ABCC9: variants seen among roughly 807,000 people sequenced by gnomAD.
ABCC9 encodes ATP-binding cassette sub-family C member 9.
ABCC9 carries 95 observed loss-of-function variants against 188.3 expected under a neutral mutation model. The ratio of observed to expected loss-of-function variants is 0.50; its 90% CI spans 0.43 to 0.60. The LOEUF is 0.60. Among genes scored for constraint, ABCC9 ranks in the 20% least tolerant of loss-of-function variants. ABCC9 has a pLI of 0.00. For missense variants in ABCC9, 1,102 were observed against 1,876.3 expected, an observed-to-expected ratio of 0.59 and a Z score of 7.62; for synonymous variants, 659 against 652.7, an observed-to-expected ratio of 1.01 and a Z score of -0.15.
chr12:21,915,512 A>ATTTTTTTTTT (rs1254915972), intron 7 of ABCC9, among the ~76,000 whole-genome samples, 156 bp downstream of exon 7: 2 of 382 alleles, frequency 5.2e-3, no homozygotes, highest in Non-Finnish European at 7.8e-3. Context: ...ATATATATAT[A>ATTTTTTTTTT]TATTTTTTTT....
intron 31 of ABCC9, among the ~76,000 whole-genome samples, chr12:21,822,883 C>G (rs951306518): frequency 6.6e-6 from 1 of 151,956 alleles, no homozygotes; most frequent in Non-Finnish European, 1.5e-5. Flanking sequence ...CAAAGTGACC[C>G]TACGGTTACA....
intron 15 of ABCC9, among the ~76,000 whole-genome samples, chr12:21,886,991 T>C (rs1160553561): frequency 2.0e-5 from 3 of 152,134 alleles, no homozygotes; most frequent in Non-Finnish European, 2.9e-5. Context: ...TCTTTCATTT[T>C]CTTCACACAG....
intron 30 of ABCC9, among the ~76,000 whole-genome samples, chr12:21,829,928 A>C (rs1337891890): frequency 6.6e-6 from 1 of 152,180 alleles, no homozygotes; most frequent in Non-Finnish European, 1.5e-5. Flanking sequence ...AAGGAAAAAA[A>C]CTGGGGTGGC....
At chr12:21,902,910 A>G (rs2137810617) in intron 12 of ABCC9, among the ~76,000 whole-genome samples, 1 of 152,320 alleles carries the variant, frequency 6.6e-6, no homozygotes, top group African/African-American at 2.4e-5. Flanking sequence ...AATCAATAGA[A>G]AAAGAGGGAA....
At chr12:21,883,809 T>C (rs546623931) in intron 15 of ABCC9, among the ~76,000 whole-genome samples, 1 of 152,270 alleles carries the variant, frequency 6.6e-6, no homozygotes, top group Admixed American at 6.5e-5. Context: ...TCAAATGTTA[T>C]AGCCCTATTC....
intron 29 of ABCC9, among the ~76,000 whole-genome samples, chr12:21,841,347 C>CTTTTTTTTTTTTTTTTTTTTTTTTTTTT (rs1174314931): frequency 5.1e-5 from 1 of 19,604 alleles, no homozygotes; most frequent in Non-Finnish European, 9.4e-5. Flanking sequence ...TTCTGGTTTC[C>CTTTTTTTTTTTTTTTTTTTTTTTTTTTT]TTTTTTTTTT....
chr12:21,871,468 A>G (rs999208920), intron 18 of ABCC9, among the ~76,000 whole-genome samples: 29 of 152,160 alleles, frequency 1.9e-4, no homozygotes, highest in Non-Finnish European at 4.4e-5. Flanking sequence ...TACACTTCTA[A>G]TTTCAGTCTG....
At chr12:21,933,316 A>G (rs1949359379) in intron 4 of ABCC9, among the ~76,000 whole-genome samples, 2 of 152,044 alleles carry the variant, frequency 1.3e-5, no homozygotes. Context: ...CTGTACAACA[A>G]ACCTCCGTGA....
chr12:21,866,012 A>G (rs1289753129), intron 18 of ABCC9, among the ~76,000 whole-genome samples: 1 of 152,020 alleles, frequency 6.6e-6, no homozygotes, highest in Admixed American at 6.6e-5. Flanking sequence ...AAATCAGAGT[A>G]AACAATAGAG....
chr12:21,822,673 C>T (rs1278323364), intron 31 of ABCC9, among the ~76,000 whole-genome samples: 1 of 151,780 alleles, frequency 6.6e-6, no homozygotes, highest in African/African-American at 2.4e-5. Context: ...CACCTGTAGT[C>T]CCAGCTATTC....
intron 36 of ABCC9, among the ~76,000 whole-genome samples, chr12:21,810,214 T>C (rs1369806046): frequency 6.6e-6 from 1 of 152,174 alleles, no homozygotes; most frequent in Non-Finnish European, 1.5e-5. Context: ...TATTATCAAG[T>C]TTGTTACCTA....
chr12:21,931,126 G>T (rs182744310), intron 4 of ABCC9, among the ~76,000 whole-genome samples: 11 of 151,338 alleles, frequency 7.3e-5, no homozygotes, highest in African/African-American at 2.7e-4. Context: ...ATTGTAATCC[G>T]AATTGTAATC....
intron 30 of ABCC9, among the ~76,000 whole-genome samples, chr12:21,829,418 G>T (rs139547033): frequency 2.0e-5 from 3 of 151,980 alleles, no homozygotes; most frequent in African/African-American, 2.4e-5. Flanking sequence ...AGCCAGGATG[G>T]TCTCGATCTC....
chr12:21,886,495 C>G (rs533275545), intron 15 of ABCC9, among the ~76,000 whole-genome samples: 72 of 152,148 alleles, frequency 4.7e-4, no homozygotes, highest in African/African-American at 1.7e-3. Flanking sequence ...TAATTCTAAC[C>G]ATCATCCTCT....
At chr12:21,934,172 G>A (rs1812980828) in intron 3 of ABCC9, among the ~76,000 whole-genome samples, 1 of 151,962 alleles carries the variant, frequency 6.6e-6, no homozygotes, top group African/African-American at 2.4e-5. Flanking sequence ...TACCAACTCT[G>A]GATGACAACA....
Position 21,926,409 on chromosome 12 carries a change from G to A in ABCC9, c.285-346C>T, listed in dbSNP as rs528450828. Among the ~76,000 whole-genome samples, 8 of 152,336 alleles carry A rather than the reference G, an allele frequency of 5.3e-5. No homozygotes were observed. In the South Asian group the frequency reaches 1.7e-3, roughly 32 times the overall value. On this transcript the variant is annotated intron_variant, in intron 4 of 39. Coordinates refer to ENST00000261200, the MANE Select transcript of ABCC9 (RefSeq NM_020297.4). ...GTTAACTCAATCTGAACTCCAATGT[G>A]TGTGAAAAGTGTGTTTGTTCCTTTG...
chr12:21,896,634 A>G (rs1947445097), intron 12 of ABCC9, among the ~76,000 whole-genome samples: 1 of 151,044 alleles, frequency 6.6e-6, no homozygotes, highest in South Asian at 2.1e-4. Context: ...TCATTATTCA[A>G]CTCCCCCTTA....
rs559951604 is a variant in ABCC9, at chr12:21,904,470, C to T, written c.1618+1656G>A. The stretch of plus-strand genomic sequence containing the variant: ...AAGAGCTTCTGCACTGCAAAAGAAA[C>T]TACCATCAAAGCAAACAGGCAACCT... On this transcript the variant is annotated intron_variant, in intron 12 of 39. Coordinates refer to ENST00000261200, the MANE Select transcript of ABCC9 (RefSeq NM_020297.4). Among the ~76,000 whole-genome samples the T allele has an allele frequency of 3.2e-4, 48 of 152,262 alleles. 1 individual carries two copies. Among genetic ancestry groups the T allele is most frequent in the African/African-American group, 1.2e-3 (48 of 41,550 alleles).
chr12:21,818,047 C>A, intron 32 of ABCC9, 103 bp downstream of exon 32: 29 of 563,664 alleles, frequency 5.1e-5, no homozygotes, highest in Non-Finnish European at 7.2e-5. Context: ...ATGTGTAATT[C>A]CCCTCTCTGT....
Sources: gnomAD v4.1 joint callset for allele counts (sites outside exome capture counted in the v4.1 genomes callset) on GRCh38, gnomAD v4.1.1 for gene constraint, MANE v1.5 for transcripts, NCBI Gene and HGNC (gene_info 2026-07-23, HGNC 2026-07-21) for gene names.